Variants in BAZ1A observed in about 807,000 individuals in gnomAD.
BAZ1A encodes the protein bromodomain adjacent to zinc finger domain protein 1A.
BAZ1A carries 50 observed loss-of-function variants against 185.2 expected under a neutral mutation model. The ratio of observed to expected loss-of-function variants is 0.27; its 90% confidence interval spans 0.22 to 0.34. BAZ1A has a LOEUF of 0.34. BAZ1A is among the 10% of genes least tolerant of loss of function. BAZ1A has a pLI of 1.00. For synonymous variants in BAZ1A, 571 were observed against 615.6 expected (o/e 0.93, Z 1.07); for missense variants, 1,356 against 1,839.9 (o/e 0.74, Z 4.81).
intron 2 of BAZ1A, among the ~76,000 whole-genome samples, chr14:34,869,230 C>G (rs926642293): frequency 2.0e-5 from 3 of 150,700 alleles, no homozygotes; most frequent in Non-Finnish European, 4.4e-5. Context: ...AAATAAATAA[C>G]ATAACATAAC....
At position 34,826,058 on chromosome 14, in the gene BAZ1A, CTGA is replaced by C. The variant is rs1470081625; in HGVS notation, c.488_490del (p.Ile163del). ...TTGTGTTTCTGAATCATCACTATCACTGATGATAATAGTTTCTCCATCCACACT... is the reference window on the plus strand; with the variant it reads ...TTGTGTTTCTGAATCATCACTATCACTGATAATAGTTTCTCCATCCACACT... On this transcript the variant is annotated inframe_deletion, in exon 4 of 27. Transcript: ENST00000360310. 1.9e-6 allele frequency: 3 copies of C among 1,603,906 alleles called. No individual in the cohort carries two copies. Among genetic ancestry groups the C allele is most frequent in the East Asian group, 2.2e-5 (1 of 44,552 alleles).
At chr14:34,845,846 CA>C (rs1376071515) in intron 3 of BAZ1A, among the ~76,000 whole-genome samples, 1 of 127,044 alleles carries the variant, frequency 7.9e-6, no homozygotes, top group Non-Finnish European at 1.6e-5. Context: ...GGCGACAGAG[CA>C]AGACTCTGTC....
At chr14:34,873,848 G>A (rs983862960) in intron 2 of BAZ1A, among the ~76,000 whole-genome samples, 1 of 152,172 alleles carries the variant, frequency 6.6e-6, no homozygotes, top group African/African-American at 2.4e-5. Flanking sequence ...TAGCAGCGCC[G>A]GACGGGAGGC....
At chr14:34,783,360 T>C (rs1880175038) in intron 15 of BAZ1A, 128 bp from the exon 16 acceptor site, 1 of 564,626 alleles carries the variant, frequency 1.8e-6, no homozygotes, top group African/African-American at 2.1e-5. Flanking sequence ...GTAGTAATCA[T>C]TCATAAGCTT....
rs1425039195 is a variant in BAZ1A, at chr14:34,761,868, T to G, written c.4132A>C (p.Arg1378=). The change falls in exon 24 of 27, where the codon AGA becomes CGA. Residue 1378 remains arginine (R), a synonymous_variant. Coordinates refer to ENST00000360310, the MANE Select transcript of BAZ1A (RefSeq NM_013448.3). ...TCACTTGACTTTGTGGCAATGACTC[T>G]GAAGTTAGGGAAGTTGGGACTATTT... The part of the protein sequence containing the change: ...PENSPNFPNF[R]VIATKSSEQS... The G allele has an allele frequency of 6.2e-7, 1 of 1,614,244 alleles. No individual in the cohort carries two copies. The highest frequency in any genetic ancestry group is 1.1e-5 in the South Asian group (1 of 91,086).
At position 34,796,408 on chromosome 14, in the gene BAZ1A, AATT is replaced by A. The variant is rs978697687; in HGVS notation, c.1129-646_1129-644del. Among the ~76,000 whole-genome samples the A allele has an allele frequency of 1.1e-4, 17 of 152,174 alleles. 1 individual carries two copies. The highest frequency in any genetic ancestry group is 9.2e-4 in the Admixed American group (14 of 15,264). ...CTATCAATAAGATCCTAGCAAAATA[AATT>A]ATTAGACTGCCTAAAATGAAACTTC... is the stretch of plus-strand genomic sequence containing the variant. On this transcript the variant is annotated intron_variant, in intron 9 of 26. Transcript: ENST00000360310.
intron 21 of BAZ1A, among the ~76,000 whole-genome samples, chr14:34,770,444 C>G (rs180719015): frequency 3.7e-4 from 57 of 152,306 alleles, no homozygotes; most frequent in African/African-American, 1.3e-3. Context: ...TGAGCCACCA[C>G]CCCCAGCTAA....
Position 34,776,126 on chromosome 14 carries a change from G to A in BAZ1A, c.2626C>T (p.Arg876Cys), listed in dbSNP as rs35654708. The A allele has an allele frequency of 1.2e-3, 1,863 of 1,614,182 alleles. 28 individuals are homozygous for A. The African/African-American group carries it at 0.023, about 20-fold the overall frequency. ...ESTSNIDQGP[R>C]DHSVQLPKPV... ...TTTGGCAGCTGCACAGAATGGTCACGTGGACCTTGGTCAATGTTGGAGGTA... is the reference window on the plus strand; with the variant it reads ...TTTGGCAGCTGCACAGAATGGTCACATGGACCTTGGTCAATGTTGGAGGTA... Residue 876 changes from arginine to cysteine, a missense_variant, in exon 18 of 27, where the codon CGT becomes TGT. Around this residue, in one of 7 missense-constraint regions of BAZ1A, gnomAD observed 434 missense variants for 561.7 expected, o/e 0.77. Transcript: ENST00000360310.
Position 34,771,607 on chromosome 14 carries a change from T to A in BAZ1A, c.3205A>T (p.Thr1069Ser). 1 of 1,614,088 alleles carries A rather than the reference T, an allele frequency of 6.2e-7. No individual in the cohort carries two copies. Among genetic ancestry groups the A allele is most frequent in the African/African-American group, 1.3e-5 (1 of 75,064 alleles). The stretch of plus-strand genomic sequence containing the variant: ...ACCACACTGCTCACTGATTGTGGTG[T>A]ACTTGCATTTGTTGATACAGTACTT... ...TPSTVSTNAS[T>S]PQSVSSVVHY... is the part of the protein sequence containing the mutation. The change falls in exon 21 of 27, where the codon ACA (threonine) becomes TCA (serine). Residue 1069 changes from threonine (T) to serine (S), a missense_variant. Physicochemically the swap from Thr to Ser is moderately conservative, Grantham distance 58. Around this residue, in one of 7 missense-constraint regions of BAZ1A, gnomAD observed 434 missense variants for 561.7 expected, o/e 0.77. Coordinates refer to ENST00000360310, the MANE Select transcript of BAZ1A (RefSeq NM_013448.3).
intron 21 of BAZ1A, chr14:34,768,917 G>T (rs1879033911): frequency 4.9e-6 from 1 of 202,606 alleles, no homozygotes; most frequent in South Asian, 7.4e-5. Context: ...AACAAAACAT[G>T]ATTTTATCTT....
chr14:34,754,746 T>TA, intron 26 of BAZ1A, 81 bp downstream of exon 26: 1 of 1,007,610 alleles, frequency 9.9e-7, no homozygotes, highest in African/African-American at 1.6e-5. Context: ...CTCTACCTCT[T>TA]TAAACAAAAA....
At chr14:34,791,538 A>G (rs1339320911) in intron 12 of BAZ1A, among the ~76,000 whole-genome samples, 1 of 152,228 alleles carries the variant, frequency 6.6e-6, no homozygotes, top group African/African-American at 2.4e-5. Flanking sequence ...TCAAAAGGCA[A>G]CAAACATCAA....
intron 3 of BAZ1A, among the ~76,000 whole-genome samples, chr14:34,828,118 C>T (rs1046344888): frequency 6.6e-6 from 1 of 151,630 alleles, no homozygotes; most frequent in African/African-American, 2.4e-5. Context: ...TGGAGAAACC[C>T]TGTCTCTAGT....
chr14:34,784,309 G>A (rs909685038), intron 14 of BAZ1A, among the ~76,000 whole-genome samples: 18 of 131,708 alleles, frequency 1.4e-4, no homozygotes, highest in Admixed American at 3.5e-4. Context: ...CGGAGGTTGC[G>A]TTGCGCCAAG....
intron 3 of BAZ1A, among the ~76,000 whole-genome samples, chr14:34,834,612 T>A (rs978222205): frequency 2.6e-5 from 4 of 152,206 alleles, no homozygotes; most frequent in African/African-American, 9.7e-5. Flanking sequence ...ATTGACTTTG[T>A]AGCACAACCA....
At chr14:34,861,022 GATTAT>G (rs1368412458) in intron 3 of BAZ1A, among the ~76,000 whole-genome samples, 20 of 152,220 alleles carry the variant, frequency 1.3e-4, no homozygotes, top group Admixed American at 9.2e-4. Context: ...AATTAAAATG[GATTAT>G]ATTAATTTGT....
intron 3 of BAZ1A, among the ~76,000 whole-genome samples, chr14:34,860,724 C>A (rs2042756083): frequency 6.6e-6 from 1 of 151,482 alleles, no homozygotes; most frequent in South Asian, 2.1e-4. Context: ...CTGATGAAGT[C>A]CCGTCTCTAC....
intron 23 of BAZ1A, among the ~76,000 whole-genome samples, chr14:34,762,424 T>C (rs928436368): frequency 4.6e-5 from 7 of 152,208 alleles, no homozygotes; most frequent in Admixed American, 2.0e-4. Context: ...ATGTATTTCT[T>C]TGAAATGCAA....
chr14:34,781,657 G>A (rs1368396615), intron 16 of BAZ1A, among the ~76,000 whole-genome samples: 1 of 151,922 alleles, frequency 6.6e-6, no homozygotes, highest in Non-Finnish European at 1.5e-5. Flanking sequence ...CACCATGCCT[G>A]GCTAATTTTT....
Sources: allele counts gnomAD v4.1 joint callset (sites outside exome capture counted in the v4.1 genomes callset), GRCh38; gene constraint gnomAD v4.1.1; regional missense constraint gnomAD v4.1.1; transcripts MANE v1.5; gene names NCBI Gene and HGNC (gene_info 2026-07-23, HGNC 2026-07-21).